FBXO16: variants seen among roughly 807,000 people sequenced by gnomAD.
FBXO16 encodes F-box protein 16, also known as F-box only protein 16.
Under a neutral mutation model 41.0 loss-of-function variants are expected in FBXO16, and 31 were observed. The ratio of observed to expected loss-of-function variants is 0.76; its 90% CI spans 0.57 to 1.02. The LOEUF (loss-of-function observed/expected upper bound fraction) is 1.02. FBXO16 is among the 50% of genes least tolerant of loss of function. The probability of loss-of-function intolerance (pLI) is 0.00; values close to 1 mark genes in which losing one functional copy is unlikely to be tolerated. For synonymous variants in FBXO16, 133 were observed against 117.8 expected (o/e 1.13, Z -0.84); for missense variants, 361 against 346.2 (o/e 1.04, Z -0.34).
intron 7 of FBXO16, among the ~76,000 whole-genome samples, chr8:28,442,234 G>A (rs896414311): frequency 5.8e-4 from 88 of 151,866 alleles, no homozygotes; most frequent in African/African-American, 1.9e-3. Flanking sequence ...CACTGTGCCC[G>A]GCCGGAATTT....
At chr8:28,481,548 A>T (rs1429160119) in intron 2 of FBXO16, among the ~76,000 whole-genome samples, 1 of 151,524 alleles carries the variant, frequency 6.6e-6, no homozygotes, top group East Asian at 2.0e-4. Flanking sequence ...GCGGTGGCTC[A>T]CGCCTGTAAT....
At chr8:28,482,381 T>C (rs1267172181) in intron 2 of FBXO16, among the ~76,000 whole-genome samples, 1 of 152,106 alleles carries the variant, frequency 6.6e-6, no homozygotes, top group Non-Finnish European at 1.5e-5. Context: ...GGTGTGGTCC[T>C]TGCATACAGC....
At position 28,437,349 on chromosome 8, in the gene FBXO16, T is replaced by C. The variant is rs147596906; in HGVS notation, c.844-7946A>G. Among the ~76,000 whole-genome samples, 836 of 152,256 alleles carry C rather than the reference T, an allele frequency of 5.5e-3. 15 individuals are homozygous for C. Among genetic ancestry groups the C allele is most frequent in the African/African-American group, 0.019 (788 of 41,552 alleles). On this transcript the variant is annotated intron_variant, in intron 7 of 8. Transcript: ENST00000380254. ...AGGCAACAAGACACAACAAGTAAACTCGGCTCTCTTCCAGGCAAAGGAGAA... is the reference window on the plus strand; with the variant it reads ...AGGCAACAAGACACAACAAGTAAACCCGGCTCTCTTCCAGGCAAAGGAGAA...
intron 7 of FBXO16, among the ~76,000 whole-genome samples, chr8:28,432,096 T>C (rs1204635036): frequency 6.6e-6 from 1 of 151,926 alleles, no homozygotes; most frequent in Non-Finnish European, 1.5e-5. Context: ...CACTGCTGTT[T>C]GCTCACTATA....
chr8:28,444,502 C>A (rs568899015), intron 7 of FBXO16, among the ~76,000 whole-genome samples: 1 of 136,988 alleles, frequency 7.3e-6, no homozygotes, highest in Non-Finnish European at 1.5e-5. Context: ...TTTTTTGAGA[C>A]GGAGTCTTGC....
chr8:28,469,082 G>A (rs948806650), intron 3 of FBXO16, among the ~76,000 whole-genome samples: 1 of 152,074 alleles, frequency 6.6e-6, no homozygotes, highest in Non-Finnish European at 1.5e-5. Context: ...GCCGAGGCAG[G>A]CGGATCACCT....
intron 2 of FBXO16, among the ~76,000 whole-genome samples, chr8:28,479,077 C>T (rs7007594): frequency 0.26 from 39,899 of 151,980 alleles, 5,446 homozygotes; most frequent in Middle Eastern, 0.32. Flanking sequence ...TCCTTGAGGC[C>T]GCCCCAGAAG....
chr8:28,468,799 G>T (rs372765929), intron 3 of FBXO16, among the ~76,000 whole-genome samples: 2 of 151,084 alleles, frequency 1.3e-5, no homozygotes, highest in Non-Finnish European at 2.9e-5. Flanking sequence ...AGTGAGCTGA[G>T]ATCACGCCAC....
intron 4 of FBXO16, among the ~76,000 whole-genome samples, chr8:28,457,310 T>A (rs1803054561): frequency 6.6e-6 from 1 of 152,218 alleles, no homozygotes. Context: ...ATATAAAAGT[T>A]GTATAAGGAT....
intron 6 of FBXO16, 127 bp downstream of exon 6, chr8:28,452,117 T>C (rs1251240200): frequency 4.7e-6 from 4 of 857,158 alleles, no homozygotes; most frequent in Non-Finnish European, 7.0e-6. Flanking sequence ...TCTATTACTT[T>C]TTGCTTCTAT....
intron 1 of FBXO16, among the ~76,000 whole-genome samples, chr8:28,484,945 G>A (rs1469067703): frequency 1.3e-5 from 2 of 151,922 alleles, no homozygotes; most frequent in African/African-American, 2.4e-5. Flanking sequence ...ACACGATCTC[G>A]GCTCACCACA....
At chr8:28,432,774 C>A (rs1802627110) in intron 7 of FBXO16, among the ~76,000 whole-genome samples, 1 of 151,702 alleles carries the variant, frequency 6.6e-6, no homozygotes, top group Non-Finnish European at 1.5e-5. Context: ...AAGAATATTC[C>A]AGCCAGGCAT....
chr8:28,485,630 C>T lies in FBXO16; in HGVS notation c.-16-2168G>A, dbSNP rs948666041. Among the ~76,000 whole-genome samples the T allele has an allele frequency of 2.6e-5, 4 of 152,312 alleles. No homozygotes were observed. The East Asian group carries it at 7.7e-4, about 29-fold the overall frequency. On this transcript the variant is annotated intron_variant, in intron 1 of 8. Coordinates refer to ENST00000380254, the MANE Select transcript of FBXO16 (RefSeq NM_172366.4). ...TCTGGGGTGTCAAGACAATGCCTTC[C>T]TTCAGTTGCCTGTTGCCAATATGCC...
chr8:28,482,291 A>G (rs180833015), intron 2 of FBXO16, among the ~76,000 whole-genome samples: 1 of 152,286 alleles, frequency 6.6e-6, no homozygotes, highest in East Asian at 1.9e-4. Flanking sequence ...AGTGCCTCTC[A>G]TAGCGGGGAG....
Position 28,473,763 on chromosome 8 carries a change from A to G in FBXO16, c.135+9T>C. 6.3e-7 allele frequency: 1 copy of G among 1,596,392 alleles called. No individual in the cohort carries two copies. The highest frequency in any genetic ancestry group is 8.6e-7 in the Non-Finnish European group (1 of 1,167,954). On this transcript the variant is annotated intron_variant, in intron 3 of 8. Coordinates refer to ENST00000380254, the MANE Select transcript of FBXO16 (RefSeq NM_172366.4). ...ACATAATGCAAAAATAGTATTTTTA[A>G]ATGTTTACCCATTTGCCAAGCAGGG...
chr8:28,468,556 G>A (rs1214203514), intron 3 of FBXO16, among the ~76,000 whole-genome samples: 1 of 152,194 alleles, frequency 6.6e-6, no homozygotes, highest in Non-Finnish European at 1.5e-5. Context: ...AGGGCTGGGC[G>A]AGGTGGCTCA....
intron 3 of FBXO16, among the ~76,000 whole-genome samples, chr8:28,471,445 CTCTCTT>C (rs200701001): frequency 0.024 from 3,589 of 152,064 alleles, 119 homozygotes; most frequent in African/African-American, 0.082. Context: ...CTTCCTTCCT[CTCTCTT>C]TCTTTCTTTC....
intron 4 of FBXO16, 49 bp from the exon 5 acceptor site, chr8:28,456,979 A>AGTTT (rs1249466469): frequency 4.5e-6 from 7 of 1,571,460 alleles, no homozygotes; most frequent in Non-Finnish European, 6.1e-6. Context: ...CAACCCCTTC[A>AGTTT]GTTTACATGC....
intron 8 of FBXO16, 28 bp from the exon 9 acceptor site, chr8:28,428,764 C>A (rs143719904): frequency 1.3e-6 from 2 of 1,486,142 alleles, no homozygotes; most frequent in African/African-American, 1.4e-5. Context: ...ATCATGAAAG[C>A]GAGGGTTATT....
Sources: allele counts gnomAD v4.1 joint callset (sites outside exome capture counted in the v4.1 genomes callset), GRCh38; gene constraint gnomAD v4.1.1; transcripts MANE v1.5; gene names NCBI Gene and HGNC (gene_info 2026-07-23, HGNC 2026-07-21).